GDA: variants seen among roughly 807,000 people sequenced by gnomAD.
GDA encodes guanine deaminase.
A neutral mutation model predicts 59.6 loss-of-function variants in GDA; 18 were observed. The observed-to-expected ratio is 0.30, with a 90% CI of 0.21 to 0.45. The LOEUF (loss-of-function observed/expected upper bound fraction) is 0.45. GDA is among the 20% of genes least tolerant of loss of function. The pLI, the probability that GDA is intolerant of heterozygous loss-of-function variation, is 1.00. For missense variants in GDA, 427 were observed against 552.3 expected (o/e 0.77, Z 2.27); for synonymous variants, 201 against 201.1 (o/e 1.00, Z 0.00).
At chr9:72,121,799 C>T (rs1825671614) in intron 1 of GDA, among the ~76,000 whole-genome samples, 1 of 152,182 alleles carries the variant, frequency 6.6e-6, no homozygotes, top group South Asian at 2.1e-4. Flanking sequence ...AGTGACATCA[C>T]TGAAACTGCT....
downstream of GDA, among the ~76,000 whole-genome samples, chr9:72,254,383 A>G (rs1224699033): frequency 6.6e-6 from 1 of 152,180 alleles, no homozygotes; most frequent in African/African-American, 2.4e-5. Flanking sequence ...CTTTGTTGGG[A>G]AATTCTTCAA....
At chr9:72,225,438 CCCACAT>C (rs1243387671) in intron 7 of GDA, among the ~76,000 whole-genome samples, 5 of 152,050 alleles carry the variant, frequency 3.3e-5, no homozygotes, top group Admixed American at 2.0e-4. Flanking sequence ...CACACCCACA[CCCACAT>C]CCACACACAC....
rs1158209287 is a variant in GDA, at chr9:72,143,038, G to A, written c.-100+28205G>A. On this transcript the variant is annotated intron_variant, in intron 1 of 13. Coordinates refer to the GDA transcript ENST00000545168. ...CCTGCCTCGGCCTCCCAAAGTGCTG[G>A]AATTACAGGCATGAGCCACTGTACC... Among the ~76,000 whole-genome samples, 12 of 147,306 alleles carry A rather than the reference G, an allele frequency of 8.1e-5. No homozygotes were observed. In the Admixed American group the frequency reaches 8.2e-4, roughly 10 times the overall value.
chr9:72,144,942 G>A (rs7849775), upstream of GDA, among the ~76,000 whole-genome samples: 1 of 150,678 alleles, frequency 6.6e-6, no homozygotes, highest in South Asian at 2.1e-4. Context: ...TCCATGGTGA[G>A]CACAGGGCAC....
At chr9:72,233,798 TG>T (rs1207867935) in intron 10 of GDA, among the ~76,000 whole-genome samples, 2 of 151,948 alleles carry the variant, frequency 1.3e-5, no homozygotes, top group Non-Finnish European at 2.9e-5. Flanking sequence ...AAAACTTAGC[TG>T]GGCATGGTGA....
At chr9:72,227,089 G>C (rs1415067159) in intron 8 of GDA, among the ~76,000 whole-genome samples, 6 of 152,140 alleles carry the variant, frequency 3.9e-5, no homozygotes, top group Non-Finnish European at 8.8e-5. Context: ...CTGCACTCCA[G>C]CCTGGGCGAC....
intron 10 of GDA, among the ~76,000 whole-genome samples, chr9:72,236,790 T>C (rs1352171493): frequency 2.0e-5 from 3 of 150,244 alleles, no homozygotes; most frequent in Non-Finnish European, 4.4e-5. Flanking sequence ...TTTTTTTTTT[T>C]TTTTTTTGAG....
intron 1 of GDA, among the ~76,000 whole-genome samples, chr9:72,115,138 G>GA (rs919712252): frequency 6.6e-6 from 1 of 151,826 alleles, no homozygotes; most frequent in African/African-American, 2.4e-5. Context: ...GCAGGCTGTG[G>GA]AAAAAACAAG....
intron 1 of GDA, among the ~76,000 whole-genome samples, chr9:72,172,024 C>T (rs768339203): frequency 4.7e-4 from 71 of 152,174 alleles, no homozygotes; most frequent in Non-Finnish European, 6.9e-4. Context: ...TAATGTTACA[C>T]GGCAAATAGA....
intron 1 of GDA, among the ~76,000 whole-genome samples, chr9:72,180,312 A>G (rs1180541517): frequency 6.6e-6 from 1 of 152,146 alleles, no homozygotes; most frequent in Non-Finnish European, 1.5e-5. Context: ...AGACAAGACT[A>G]CGCCACTGCA....
At chr9:72,177,669 T>G (rs1830701559) in intron 1 of GDA, among the ~76,000 whole-genome samples, 2 of 152,254 alleles carry the variant, frequency 1.3e-5, no homozygotes, top group African/African-American at 4.8e-5. Flanking sequence ...GTGAGTATTT[T>G]TGCTTCGGCA....
At chr9:72,153,707 G>T (rs113349697) in intron 1 of GDA, among the ~76,000 whole-genome samples, 1 of 150,428 alleles carries the variant, frequency 6.6e-6, no homozygotes, top group African/African-American at 2.4e-5. Flanking sequence ...GGAAACTGTC[G>T]CAAGGACAAA....
chr9:72,131,343 G>A (rs567112961), intron 1 of GDA, among the ~76,000 whole-genome samples: 10 of 152,240 alleles, frequency 6.6e-5, no homozygotes, highest in Non-Finnish European at 1.3e-4. Flanking sequence ...TCCCTGCCAA[G>A]AATCTTGAGT....
chr9:72,173,675 A>C (rs571126548), intron 1 of GDA, among the ~76,000 whole-genome samples: 1 of 152,150 alleles, frequency 6.6e-6, no homozygotes, highest in Non-Finnish European at 1.5e-5. Context: ...TTTAGGGTCC[A>C]CCCTGCTAAT....
intron 11 of GDA, among the ~76,000 whole-genome samples, chr9:72,242,137 C>G (rs1166069311): frequency 6.6e-6 from 1 of 152,160 alleles, no homozygotes; most frequent in Non-Finnish European, 1.5e-5. Flanking sequence ...CCACAGTGTG[C>G]TATGATTTGA....
intron 6 of GDA, 25 bp from the exon 7 acceptor site, chr9:72,223,095 A>C: frequency 8.4e-6 from 9 of 1,070,926 alleles, no homozygotes; most frequent in South Asian, 1.3e-5. Flanking sequence ...AGGAAGAGGT[A>C]TCAATTGTTT....
chr9:72,219,270 G>T (rs1323925098), intron 5 of GDA, among the ~76,000 whole-genome samples: 1 of 152,080 alleles, frequency 6.6e-6, no homozygotes. Flanking sequence ...GGACGTGGTG[G>T]CGGGTGCCTG....
At chr9:72,231,531 C>G (rs1437275303) in intron 10 of GDA, among the ~76,000 whole-genome samples, 1 of 150,384 alleles carries the variant, frequency 6.6e-6, no homozygotes, top group Admixed American at 6.6e-5. Context: ...CGCCACTGCA[C>G]TTCAGCGTGG....
chr9:72,173,547 T>C (rs1294708785), intron 1 of GDA, among the ~76,000 whole-genome samples: 2 of 151,926 alleles, frequency 1.3e-5, no homozygotes, highest in African/African-American at 4.8e-5. Context: ...GCTAGGCTGG[T>C]CTCAAACTCC....
Sources: allele counts gnomAD v4.1 joint callset (sites outside exome capture counted in the v4.1 genomes callset), GRCh38; gene constraint gnomAD v4.1.1; transcripts MANE v1.5; gene names NCBI Gene and HGNC (gene_info 2026-07-23, HGNC 2026-07-21).